AGBL1: variants seen among roughly 807,000 people sequenced by gnomAD.
AGBL1 encodes the protein cytosolic carboxypeptidase 4.
AGBL1 carries 130 observed loss-of-function variants against 118.9 expected under a neutral mutation model. The observed-to-expected ratio is 1.09, with a 90% CI of 0.95 to 1.26. The LOEUF is 1.26. Ranked by LOEUF, AGBL1 falls within the 50% of genes most tolerant of loss-of-function variation. AGBL1 has a pLI of 0.00. For missense variants in AGBL1, 1,584 were observed against 1,298.1 expected (o/e 1.22, Z -3.38); for synonymous variants, 555 against 478.9 (o/e 1.16, Z -2.08).
At chr15:86,565,309 G>T (rs1170862036) in intron 21 of AGBL1, among the ~76,000 whole-genome samples, 1 of 152,154 alleles carries the variant, frequency 6.6e-6, no homozygotes, top group Non-Finnish European at 1.5e-5. Context: ...ATGGGGTTTT[G>T]GTGTGGATAT....
At chr15:86,089,797 A>T (rs1289267797) in intron 1 of AGBL1, among the ~76,000 whole-genome samples, 1 of 152,134 alleles carries the variant, frequency 6.6e-6, no homozygotes, top group Non-Finnish European at 1.5e-5. Context: ...TAATGCAGAT[A>T]CCCTTTACTT....
At chr15:86,918,903 G>C (rs1454335026), downstream of AGBL1, among the ~76,000 whole-genome samples, 3 of 152,188 alleles carry the variant, frequency 2.0e-5, no homozygotes, top group East Asian at 3.8e-4. Flanking sequence ...TTTCCCTTAA[G>C]GTGTCTGCTC....
chr15:87,017,027 G>A (rs2881642), intron 24 of AGBL1, among the ~76,000 whole-genome samples: 15,672 of 152,162 alleles, frequency 0.1, 1,617 homozygotes, highest in African/African-American at 0.27. Context: ...AATCCAGGGA[G>A]CTGAGCAGCA....
At chr15:86,959,120 G>T (rs575512802) in intron 23 of AGBL1, among the ~76,000 whole-genome samples, 5 of 152,002 alleles carry the variant, frequency 3.3e-5, no homozygotes, top group Non-Finnish European at 5.9e-5. Flanking sequence ...TACTTAAGTC[G>T]TTAATAACAA....
chr15:86,557,728 T>C (rs1224141509), intron 21 of AGBL1, among the ~76,000 whole-genome samples: 8 of 152,186 alleles, frequency 5.3e-5, no homozygotes, highest in African/African-American at 1.2e-4. Context: ...TAAGGCCTTT[T>C]ACAATCTCTT....
intron 1 of AGBL1, among the ~76,000 whole-genome samples, chr15:86,124,410 T>C (rs1898290316): frequency 6.6e-6 from 1 of 151,734 alleles, no homozygotes; most frequent in Non-Finnish European, 1.5e-5. Context: ...TGTACCAATG[T>C]CAGTTTTTTA....
intron 1 of AGBL1, among the ~76,000 whole-genome samples, chr15:86,114,819 C>T (rs534997331): frequency 6.6e-5 from 10 of 152,216 alleles, no homozygotes; most frequent in South Asian, 2.1e-4. Context: ...TATCCTATAA[C>T]GAGATGCTGA....
At chr15:86,948,965 C>T (rs781524009) in intron 23 of AGBL1, among the ~76,000 whole-genome samples, 14 of 152,266 alleles carry the variant, frequency 9.2e-5, no homozygotes, top group East Asian at 1.9e-4. Flanking sequence ...TAACTGCTCT[C>T]GTGCTACAAC....
At chr15:86,792,907 G>C (rs530102532) in intron 22 of AGBL1, among the ~76,000 whole-genome samples, 1 of 152,042 alleles carries the variant, frequency 6.6e-6, no homozygotes, top group Non-Finnish European at 1.5e-5. Flanking sequence ...ATAGATATTT[G>C]TCTCTTCCAT....
At chr15:86,132,229 G>A (rs994352978) in intron 1 of AGBL1, among the ~76,000 whole-genome samples, 1 of 152,138 alleles carries the variant, frequency 6.6e-6, no homozygotes, top group Admixed American at 6.5e-5. Context: ...GCTGGGTAGA[G>A]GACAAGGAAA....
chr15:86,450,707 G>T (rs1039742180), intron 18 of AGBL1, among the ~76,000 whole-genome samples: 1 of 152,146 alleles, frequency 6.6e-6, no homozygotes, highest in Non-Finnish European at 1.5e-5. Flanking sequence ...ACTTTGAAGA[G>T]GCTAATTCAC....
chr15:86,102,586 A>T (rs1212682375), intron 1 of AGBL1, among the ~76,000 whole-genome samples: 1 of 152,142 alleles, frequency 6.6e-6, no homozygotes, highest in Non-Finnish European at 1.5e-5. Flanking sequence ...TTCCCGCCCC[A>T]CCAGCACTTT....
At chr15:86,888,291 C>T (rs1182120539) in intron 22 of AGBL1, among the ~76,000 whole-genome samples, 1 of 151,610 alleles carries the variant, frequency 6.6e-6, no homozygotes, top group Non-Finnish European at 1.5e-5. Context: ...CACCTTAGGG[C>T]TACCTCATAG....
At chr15:86,733,497 A>T (rs1476140078) in intron 22 of AGBL1, among the ~76,000 whole-genome samples, 3 of 152,190 alleles carry the variant, frequency 2.0e-5, no homozygotes, top group African/African-American at 7.2e-5. Flanking sequence ...GTTGACACAT[A>T]AAATTAACTG....
At chr15:86,941,477 A>T (rs2080750770) in intron 23 of AGBL1, among the ~76,000 whole-genome samples, 1 of 152,254 alleles carries the variant, frequency 6.6e-6, no homozygotes, top group Non-Finnish European at 1.5e-5. Context: ...GAGCAGAGAC[A>T]TCACGCCCAA....
intron 22 of AGBL1, among the ~76,000 whole-genome samples, chr15:86,761,635 G>A (rs1369863434): frequency 6.6e-6 from 1 of 152,026 alleles, no homozygotes; most frequent in Non-Finnish European, 1.5e-5. Context: ...TAAAAAAGAG[G>A]AGTGTCTGTT....
At chr15:86,793,006 A>G (rs943819898) in intron 22 of AGBL1, among the ~76,000 whole-genome samples, 1 of 152,174 alleles carries the variant, frequency 6.6e-6, no homozygotes, top group African/African-American at 2.4e-5. Flanking sequence ...AAATTAGACC[A>G]TAGTTAAAAA....
intron 20 of AGBL1, among the ~76,000 whole-genome samples, chr15:86,547,255 C>T (rs2083595799): frequency 6.6e-6 from 1 of 152,118 alleles, no homozygotes; most frequent in Non-Finnish European, 1.5e-5. Flanking sequence ...TGGGCAGCTC[C>T]TGTGGACCCA....
intron 18 of AGBL1, among the ~76,000 whole-genome samples, chr15:86,461,492 A>T (rs574746206): frequency 4.3e-4 from 66 of 152,304 alleles, no homozygotes; most frequent in Non-Finnish European, 8.4e-4. Flanking sequence ...CCTAGAGCAC[A>T]CATACCATGC....
Sources: gnomAD v4.1 joint callset for allele counts (sites outside exome capture counted in the v4.1 genomes callset) on GRCh38, gnomAD v4.1.1 for gene constraint, MANE v1.5 for transcripts, NCBI Gene and HGNC (gene_info 2026-07-23, HGNC 2026-07-21) for gene names.